DLGAP2: variants seen among roughly 807,000 people sequenced by gnomAD.
DLGAP2 encodes DLG associated protein 2.
A neutral mutation model predicts 100.3 loss-of-function variants in DLGAP2; 26 were observed. The observed-to-expected ratio is 0.26, with a 90% confidence interval of 0.19 to 0.36. DLGAP2 has a LOEUF of 0.36. DLGAP2 is among the 10% of genes least tolerant of loss of function. The pLI, the probability that DLGAP2 is intolerant of heterozygous loss-of-function variation, is 1.00. For missense variants in DLGAP2, 1,858 were observed against 1,453.2 expected, an observed-to-expected ratio of 1.28 and a Z score of -4.53; for synonymous variants, 886 against 630.1, an observed-to-expected ratio of 1.41 and a Z score of -6.08.
chr8:1,668,778 C>G (rs1285383214), intron 9 of DLGAP2, 100 bp downstream of exon 9: 3 of 1,087,654 alleles, frequency 2.8e-6, no homozygotes, highest in African/African-American at 3.2e-5. Context: ...GTCCTTAGCA[C>G]TGACTGTAAC....
At chr8:1,674,713 T>G (rs1585052387) in intron 10 of DLGAP2, among the ~76,000 whole-genome samples, 1 of 152,334 alleles carries the variant, frequency 6.6e-6, no homozygotes, top group East Asian at 1.9e-4. Context: ...CAGAGAAGTT[T>G]TCACACAAGT....
intron 1 of DLGAP2, among the ~76,000 whole-genome samples, chr8:888,259 T>A (rs994687972): frequency 2.0e-5 from 3 of 152,210 alleles, no homozygotes; most frequent in African/African-American, 4.8e-5. Context: ...TTATAAATAG[T>A]TATTCTAGTT....
chr8:1,153,314 C>G (rs756642662), intron 2 of DLGAP2, among the ~76,000 whole-genome samples: 1 of 152,128 alleles, frequency 6.6e-6, no homozygotes, highest in Non-Finnish European at 1.5e-5. Context: ...ACTGGCTATG[C>G]CTAAATCATA....
intron 2 of DLGAP2, among the ~76,000 whole-genome samples, chr8:1,252,670 T>G (rs1158529687): frequency 1.3e-5 from 2 of 152,258 alleles, no homozygotes; most frequent in Non-Finnish European, 2.9e-5. Context: ...CTGTGCTGTG[T>G]GAGAGGTGCT....
intron 3 of DLGAP2, among the ~76,000 whole-genome samples, chr8:1,425,566 C>G (rs1401705947): frequency 6.6e-6 from 1 of 152,150 alleles, no homozygotes; most frequent in Non-Finnish European, 1.5e-5. Flanking sequence ...TCCTCTGGAT[C>G]CCTTGGAGCA....
intron 3 of DLGAP2, among the ~76,000 whole-genome samples, chr8:1,409,925 C>A (rs1796681771): frequency 6.6e-6 from 1 of 152,194 alleles, no homozygotes; most frequent in Non-Finnish European, 1.5e-5. Context: ...TGGGGCTTCT[C>A]AGCCTCCATA....
rs557810258 is a variant in DLGAP2 at position 933,526 on chromosome 8, A to G, written c.73+25560A>G. Among the ~76,000 whole-genome samples the G allele has an allele frequency of 1.6e-3, 188 of 116,814 alleles. 3 individuals are homozygous for G. The highest frequency in any genetic ancestry group is 6.0e-3 in the African/African-American group (177 of 29,344). The allele number at this position is 116,814 out of a possible 152,430, so 76.6% of individuals were successfully genotyped here. On this transcript the variant is annotated intron_variant, in intron 2 of 14. Coordinates refer to ENST00000637795, the MANE Select transcript of DLGAP2 (RefSeq NM_001346810.2). ...TGAGGGCAGAGCCTGCTGTGGAGAC[A>G]CCTGGCCGTGGGCATGAGGGGAGGG...
chr8:756,631 G>C (rs1820927753), intron 1 of DLGAP2, among the ~76,000 whole-genome samples: 1 of 152,082 alleles, frequency 6.6e-6, no homozygotes, highest in Non-Finnish European at 1.5e-5. Flanking sequence ...CAAGACCTAT[G>C]CAAGCTGAAA....
chr8:1,159,422 G>A (rs116648215), intron 2 of DLGAP2, among the ~76,000 whole-genome samples: 1 of 152,192 alleles, frequency 6.6e-6, no homozygotes, highest in Non-Finnish European at 1.5e-5. Flanking sequence ...TCAGAGCCCA[G>A]GTTAGTGAGA....
chr8:1,491,012 C>G (rs938200534), intron 3 of DLGAP2, among the ~76,000 whole-genome samples: 40 of 110,724 alleles, frequency 3.6e-4, no homozygotes, highest in African/African-American at 1.2e-3. Flanking sequence ...TACCCTAAAA[C>G]TTAAAGTATA....
At chr8:1,304,642 TTAAAGA>T (rs1161716058) in intron 3 of DLGAP2, among the ~76,000 whole-genome samples, 4 of 152,140 alleles carry the variant, frequency 2.6e-5, no homozygotes, top group Admixed American at 2.6e-4. Flanking sequence ...TGGCTACACC[TTAAAGA>T]TAAATACAGT....
chr8:1,577,786 G>T (rs1311978237), intron 6 of DLGAP2, among the ~76,000 whole-genome samples: 1 of 152,038 alleles, frequency 6.6e-6, no homozygotes, highest in Non-Finnish European at 1.5e-5. Context: ...TTCCCACAGG[G>T]GCACACAGCA....
At chr8:960,352 C>T (rs1386593614) in intron 2 of DLGAP2, among the ~76,000 whole-genome samples, 4 of 150,062 alleles carry the variant, frequency 2.7e-5, no homozygotes, top group Non-Finnish European at 4.4e-5. Flanking sequence ...TCTCGTGCCT[C>T]AGCCTCCAGA....
At chr8:1,618,133 C>G (rs1388440383) in intron 6 of DLGAP2, among the ~76,000 whole-genome samples, 2 of 152,124 alleles carry the variant, frequency 1.3e-5, no homozygotes, top group Non-Finnish European at 2.9e-5. Flanking sequence ...AGAGAAAAAG[C>G]ACGAAATTTA....
At chr8:1,520,173 G>T (rs1800539767) in intron 4 of DLGAP2, among the ~76,000 whole-genome samples, 1 of 152,226 alleles carries the variant, frequency 6.6e-6, no homozygotes, top group African/African-American at 2.4e-5. Flanking sequence ...CGAGATCAAT[G>T]GTTCATCAGC....
At chr8:942,237 A>G (rs879383240) in intron 2 of DLGAP2, among the ~76,000 whole-genome samples, 5 of 152,302 alleles carry the variant, frequency 3.3e-5, no homozygotes, top group South Asian at 2.1e-4. Flanking sequence ...GCAGGAGCCA[A>G]TGGGCCCAGC....
At chr8:1,524,295 C>T (rs929978517) in intron 4 of DLGAP2, among the ~76,000 whole-genome samples, 4 of 152,150 alleles carry the variant, frequency 2.6e-5, no homozygotes, top group African/African-American at 9.7e-5. Flanking sequence ...AAGGTTGTCT[C>T]TTTAGGGGAC....
chr8:1,242,069 C>A (rs146674035), intron 2 of DLGAP2, among the ~76,000 whole-genome samples: 1 of 152,080 alleles, frequency 6.6e-6, no homozygotes, highest in Non-Finnish European at 1.5e-5. Context: ...TTTGGTATAA[C>A]GGGATTTAAT....
chr8:884,574 T>C (rs189498114), intron 1 of DLGAP2, among the ~76,000 whole-genome samples: 2 of 152,220 alleles, frequency 1.3e-5, no homozygotes, highest in African/African-American at 2.4e-5. Context: ...TCTCCCATTC[T>C]GTAGGTTGCC....
Sources: gnomAD v4.1 joint callset for allele counts (sites outside exome capture counted in the v4.1 genomes callset) on GRCh38, gnomAD v4.1.1 for gene constraint, MANE v1.5 for transcripts, NCBI Gene and HGNC (gene_info 2026-07-23, HGNC 2026-07-21) for gene names.